DNAH9: variants seen among roughly 807,000 people sequenced by gnomAD.
DNAH9 encodes DNAH9 variant protein.
DNAH9 carries 345 observed loss-of-function variants against 471.6 expected under a neutral mutation model. The observed-to-expected ratio is 0.73, with a 90% CI of 0.67 to 0.80. DNAH9 has a LOEUF of 0.80. Among genes scored for constraint, DNAH9 ranks in the 30% least tolerant of loss-of-function variants. DNAH9 has a pLI of 0.00. For synonymous variants in DNAH9, 2,093 were observed against 2,123.6 expected, an observed-to-expected ratio of 0.99 and a Z score of 0.40; for missense variants, 5,407 against 5,609.2, an observed-to-expected ratio of 0.96 and a Z score of 1.15.
intron 1 of DNAH9, among the ~76,000 whole-genome samples, chr17:11,602,237 A>G (rs1291759703): frequency 6.6e-6 from 1 of 152,168 alleles, no homozygotes; most frequent in African/African-American, 2.4e-5. Context: ...CAGGTCCAAA[A>G]CTGTCTTGCA....
At chr17:11,954,767 C>CTT (rs1555529413) in intron 67 of DNAH9, among the ~76,000 whole-genome samples, 1 of 95,688 alleles carries the variant, frequency 1.0e-5, no homozygotes, top group African/African-American at 4.0e-5. Flanking sequence ...AAGACTTCGT[C>CTT]TTAAAAAAAA....
intron 49 of DNAH9, among the ~76,000 whole-genome samples, chr17:11,838,624 G>A (rs766991923): frequency 3.3e-5 from 5 of 152,138 alleles, no homozygotes; most frequent in Non-Finnish European, 7.4e-5. Flanking sequence ...AGAAGTGGGT[G>A]GCTTAGAAGG....
At position 11,932,120 on chromosome 17, in the gene DNAH9, G is replaced by A. The variant is rs1299711918; in HGVS notation, c.12212G>A (p.Gly4071Glu). ...VAERRKFGPQ[G>E]WNRSYPFNTG... ...GAAAGACGAAAATTTGGGCCCCAGG[G>A]ATGGAATCGCTCATACCCCTTTAAC... The change falls in exon 64 of 69, where the codon GGA (glycine) becomes GAA (glutamate). Residue 4071 changes from glycine (G) to glutamate (E), a missense_variant. Gly to Glu is a moderately conservative substitution (Grantham distance 98). This residue lies in a region of DNAH9 where 4,636 missense variants were observed against 4,900.3 expected (regional missense o/e 0.95). Coordinates refer to ENST00000262442, the MANE Select transcript of DNAH9 (RefSeq NM_001372.4). The surrounding 1 kb of genome is among the most constrained non-coding windows in gnomAD (Gnocchi z 4.3). The A allele has an allele frequency of 6.2e-7, 1 of 1,614,034 alleles. No homozygotes were observed. The highest frequency in any genetic ancestry group is 1.1e-5 in the South Asian group (1 of 91,066).
At chr17:11,852,673 A>G (rs1336308605) in intron 49 of DNAH9, among the ~76,000 whole-genome samples, 1 of 151,594 alleles carries the variant, frequency 6.6e-6, no homozygotes. Context: ...GGAGAATGCA[A>G]TGAGTTGGGA....
chr17:11,745,160 T>C (rs2075501948), intron 31 of DNAH9, 76 bp downstream of exon 31: 2 of 1,252,304 alleles, frequency 1.6e-6, no homozygotes, highest in Non-Finnish European at 2.3e-6. Flanking sequence ...CCTTCATCCA[T>C]AATCCAAAGG....
intron 68 of DNAH9, among the ~76,000 whole-genome samples, chr17:11,963,022 T>A (rs966556519): frequency 1.3e-5 from 2 of 152,130 alleles, no homozygotes; most frequent in African/African-American, 4.8e-5. Context: ...CAAAAATTCA[T>A]GTCTAGGCAT....
intron 12 of DNAH9, among the ~76,000 whole-genome samples, chr17:11,647,996 G>C (rs1033159577): frequency 2.0e-5 from 3 of 152,206 alleles, no homozygotes; most frequent in Admixed American, 1.3e-4. Context: ...CTGAGGTTGA[G>C]AAACTGTTTT....
At chr17:11,952,511 T>G (rs1374572217) in intron 67 of DNAH9, among the ~76,000 whole-genome samples, 6 of 152,036 alleles carry the variant, frequency 3.9e-5, no homozygotes, top group Non-Finnish European at 5.9e-5. Flanking sequence ...TAGCCACATG[T>G]GGCTAGTGGC....
chr17:11,652,938 A>G lies in DNAH9; in HGVS notation c.2531A>G (p.Asp844Gly). The G allele has an allele frequency of 6.2e-7, 1 of 1,614,062 alleles. No homozygotes were observed. Among genetic ancestry groups the G allele is most frequent in the Non-Finnish European group, 8.5e-7 (1 of 1,179,910 alleles). The change falls in exon 14 of 69, where the codon GAT becomes GGT. Residue 844 changes from aspartate to glycine, a missense_variant. By Grantham distance (94) the Asp-to-Gly change is moderately conservative. Around this residue, in one of 3 missense-constraint regions of DNAH9, gnomAD observed 4,636 missense variants for 4,900.3 expected, o/e 0.95. Coordinates refer to ENST00000262442, the MANE Select transcript of DNAH9 (RefSeq NM_001372.4). Reference protein sequence around the residue: ...ESLLSLDDRHDRMEKYYNLIK... With the variant: ...ESLLSLDDRHGRMEKYYNLIK... ...CTTCTTTCTCTGGATGATCGGCATG[A>G]TCGAATGGAAAAATATTACAATCTC...
At chr17:11,768,692 T>C (rs2150877022) in intron 37 of DNAH9, 66 bp downstream of exon 37, 2 of 1,561,390 alleles carry the variant, frequency 1.3e-6, no homozygotes, top group East Asian at 2.3e-5. Flanking sequence ...GTGGCTCCAG[T>C]AGCAGCCCCG....
At chr17:11,746,428 G>T (rs1245084631) in intron 31 of DNAH9, among the ~76,000 whole-genome samples, 1 of 152,168 alleles carries the variant, frequency 6.6e-6, no homozygotes, top group Non-Finnish European at 1.5e-5. Flanking sequence ...TACAAATCAG[G>T]TGGAGGAGCA....
At chr17:11,933,738 A>G in intron 64 of DNAH9, 142 bp from the exon 65 acceptor site, 2 of 733,540 alleles carry the variant, frequency 2.7e-6, no homozygotes, top group South Asian at 2.0e-5. Flanking sequence ...CACTGAGGGT[A>G]TGGAGAAAAA....
At chr17:11,753,024 G>A in intron 33 of DNAH9, 64 bp downstream of exon 33, 2 of 1,377,630 alleles carry the variant, frequency 1.5e-6, no homozygotes, top group Non-Finnish European at 1.9e-6. Context: ...CACCCAGTGT[G>A]GCAGGCATAC....
chr17:11,773,228 G>A (rs1271485103), intron 38 of DNAH9, among the ~76,000 whole-genome samples: 2 of 152,162 alleles, frequency 1.3e-5, no homozygotes, highest in Non-Finnish European at 2.9e-5. Flanking sequence ...GAGACCCTGT[G>A]TATTTAAGAA....
chr17:11,952,769 T>C (rs896556929), intron 67 of DNAH9, among the ~76,000 whole-genome samples: 1 of 152,080 alleles, frequency 6.6e-6, no homozygotes, highest in Non-Finnish European at 1.5e-5. Context: ...CCCACTGACC[T>C]CTCTCCTGGT....
intron 11 of DNAH9, among the ~76,000 whole-genome samples, chr17:11,645,873 C>CTTTTTTTTTTTTTT (rs1205010044): frequency 2.9e-5 from 4 of 138,728 alleles, no homozygotes; most frequent in African/African-American, 1.1e-4. Context: ...TTCTCTTTTT[C>CTTTTTTTTTTTTTT]TTTTTCTTTT....
intron 18 of DNAH9, among the ~76,000 whole-genome samples, chr17:11,680,315 C>T (rs16945182): frequency 0.15 from 22,044 of 151,502 alleles, 1,717 homozygotes; most frequent in Middle Eastern, 0.19. Flanking sequence ...AGAAAATAAC[C>T]AAGCAACCCT....
intron 33 of DNAH9, among the ~76,000 whole-genome samples, chr17:11,754,280 A>G (rs1261109741): frequency 9.2e-5 from 14 of 152,302 alleles, no homozygotes; most frequent in African/African-American, 3.1e-4. Context: ...GAGTGTGGCA[A>G]TAAACATTTG....
chr17:11,904,025 A>G (rs1973503032), intron 60 of DNAH9, among the ~76,000 whole-genome samples: 3 of 152,210 alleles, frequency 2.0e-5, no homozygotes. Flanking sequence ...TTAGATTGCT[A>G]AGGATAAAAG....
Sources: gnomAD v4.1 joint callset for allele counts (sites outside exome capture counted in the v4.1 genomes callset) on GRCh38, gnomAD v4.1.1 for gene constraint, gnomAD v4.1.1 regional missense constraint, Gnocchi (gnomAD v3.1) non-coding constraint, MANE v1.5 for transcripts, NCBI Gene and HGNC (gene_info 2026-07-23, HGNC 2026-07-21) for gene names.